Variants in SCN8A observed in about 807,000 individuals in gnomAD.
The protein encoded by SCN8A is sodium voltage-gated channel alpha subunit 8.
Under a neutral mutation model 184.1 loss-of-function variants are expected in SCN8A, and 30 were observed. The observed-to-expected ratio is 0.16, with a 90% CI of 0.12 to 0.22. The LOEUF is 0.22. Ranked by LOEUF, SCN8A falls within the 10% of genes least tolerant of loss-of-function variation. The pLI is 1.00. For missense variants in SCN8A, 1,057 were observed against 2,498.9 expected, an observed-to-expected ratio of 0.42 and a Z score of 12.30; for synonymous variants, 852 against 907.0, an observed-to-expected ratio of 0.94 and a Z score of 1.09.
At chr12:51,639,294 C>A (rs10747616) in intron 1 of SCN8A, among the ~76,000 whole-genome samples, 131,389 of 152,274 alleles carry the variant, frequency 0.86, 56,912 homozygotes, top group East Asian at 0.99. Flanking sequence ...GATGGAATCT[C>A]CTCCTGGTGA....
chr12:51,625,983 T>C (rs1423649435), intron 1 of SCN8A, among the ~76,000 whole-genome samples: 1 of 151,998 alleles, frequency 6.6e-6, no homozygotes, highest in African/African-American at 2.4e-5. Context: ...GAAAGGAAAG[T>C]TTATTACTTA....
intron 26 of SCN8A, among the ~76,000 whole-genome samples, chr12:51,795,052 T>C (rs552747435): frequency 1.6e-4 from 25 of 152,314 alleles, no homozygotes; most frequent in African/African-American, 5.8e-4. Flanking sequence ...CTGGTGGTGA[T>C]GGCCATGGTA....
chr12:51,739,296 T>C (rs1479906564), intron 12 of SCN8A, among the ~76,000 whole-genome samples: 1 of 152,154 alleles, frequency 6.6e-6, no homozygotes, highest in East Asian at 1.9e-4. Flanking sequence ...CTCGTATAGC[T>C]TGCTGAATTC....
At chr12:51,779,506 A>C (rs1937828558) in intron 20 of SCN8A, among the ~76,000 whole-genome samples, 1 of 152,208 alleles carries the variant, frequency 6.6e-6, no homozygotes, top group African/African-American at 2.4e-5. Flanking sequence ...CAACATATTC[A>C]ACTCTGGATT....
At chr12:51,689,408 C>T (rs1237305879) in intron 6 of SCN8A, 2 of 268,670 alleles carry the variant, frequency 7.4e-6, no homozygotes, top group Non-Finnish European at 1.4e-5. Context: ...TCATTTGCTT[C>T]CTGGCTCCAT....
chr12:51,665,483 A>C (rs997703073), intron 2 of SCN8A, among the ~76,000 whole-genome samples: 2 of 152,266 alleles, frequency 1.3e-5, no homozygotes, highest in African/African-American at 4.8e-5. Flanking sequence ...TACATAGCAT[A>C]ATGATTACAA....
chr12:51,806,205 C>CA lies in SCN8A; in HGVS notation c.4796-75dup. 7.4e-7 allele frequency: 1 copy of CA among 1,355,520 alleles called. No homozygotes were observed. Among genetic ancestry groups the CA allele is most frequent in the East Asian group, 2.3e-5 (1 of 42,632 alleles). 84.0% of individuals were successfully genotyped at this position (1,355,520 alleles called of 1,614,324 possible). A position where few individuals can be genotyped will look rare whatever the true frequency, so the allele number is the denominator to read the frequency against. ...AAGCCCTTTGAACCTAAGGGTTCCACAATGCCAGGTAAAAAAAATAAAGAG... is the reference window on the plus strand; with the variant it reads ...AAGCCCTTTGAACCTAAGGGTTCCACAAATGCCAGGTAAAAAAAATAAAGAG... On this transcript the variant is annotated intron_variant, in intron 26 of 26. Transcript: ENST00000627620. The surrounding 1 kb of genome is among the most constrained non-coding windows in gnomAD (Gnocchi z 8.7).
intron 4 of SCN8A, 51 bp downstream of exon 4, chr12:51,686,508 A>G: frequency 5.4e-6 from 7 of 1,301,362 alleles, no homozygotes; most frequent in Non-Finnish European, 7.7e-6. Flanking sequence ...ATTTTTAGTC[A>G]CTAAATCTTG....
At position 51,669,468 on chromosome 12, in the gene SCN8A, T is replaced by C. The variant is rs377504276; in HGVS notation, c.276+6375T>C. 9.2e-5 allele frequency among the ~76,000 whole-genome samples: 14 copies of C among 152,312 alleles called. No homozygotes were observed. In the South Asian group the frequency reaches 1.7e-3, roughly 18 times the overall value. Reference sequence around the variant, plus strand: ...CTTCCTGTTTCCTTAGTGTGGAAGATCCCTCCACCCACCCACCTTCTTCTG... The same window carrying C: ...CTTCCTGTTTCCTTAGTGTGGAAGACCCCTCCACCCACCCACCTTCTTCTG... On this transcript the variant is annotated intron_variant, in intron 2 of 26. Transcript: ENST00000627620.
chr12:51,598,809 A>G (rs1286581816), intron 1 of SCN8A, among the ~76,000 whole-genome samples: 1 of 151,908 alleles, frequency 6.6e-6, no homozygotes, highest in Non-Finnish European at 1.5e-5. Context: ...TGCTCCTCAC[A>G]GTTAGTTCCA....
At chr12:51,660,456 G>C (rs1386520531) in intron 1 of SCN8A, among the ~76,000 whole-genome samples, 1 of 152,178 alleles carries the variant, frequency 6.6e-6, no homozygotes, top group Non-Finnish European at 1.5e-5. Context: ...TGTGAATGTA[G>C]GAGCCAAGGA....
At chr12:51,800,451 C>T (rs1357559203) in intron 26 of SCN8A, among the ~76,000 whole-genome samples, 1 of 152,234 alleles carries the variant, frequency 6.6e-6, no homozygotes, top group African/African-American at 2.4e-5. Context: ...GCACTAATCT[C>T]CACAGTCCCT....
chr12:51,694,610 G>T (rs1941563674), intron 6 of SCN8A, among the ~76,000 whole-genome samples: 1 of 152,184 alleles, frequency 6.6e-6, no homozygotes. Flanking sequence ...GGCTTCTGTT[G>T]CACACTCTGT....
intron 2 of SCN8A, among the ~76,000 whole-genome samples, chr12:51,680,930 G>A (rs556281173): frequency 6.6e-6 from 1 of 152,170 alleles, no homozygotes; most frequent in East Asian, 1.9e-4. Context: ...CTTGAACCCG[G>A]GAGGCGGAGG....
At chr12:51,707,520 T>C (rs1941804629) in intron 11 of SCN8A, among the ~76,000 whole-genome samples, 3 of 152,058 alleles carry the variant, frequency 2.0e-5, no homozygotes, top group Admixed American at 2.0e-4. Context: ...TTTTACGTTT[T>C]TCTGCCCGCT....
chr12:51,775,235 C>T (rs551381145), intron 20 of SCN8A, among the ~76,000 whole-genome samples: 34 of 152,244 alleles, frequency 2.2e-4, no homozygotes, highest in Admixed American at 8.5e-4. Flanking sequence ...GAAAGTAGAA[C>T]GGTGGAGACT....
At chr12:51,717,023 C>A (rs1017964204) in intron 11 of SCN8A, among the ~76,000 whole-genome samples, 2 of 152,212 alleles carry the variant, frequency 1.3e-5, no homozygotes, top group African/African-American at 4.8e-5. Flanking sequence ...CTCAGACTTA[C>A]CTATCCTGCC....
chr12:51,646,121 A>G (rs1281006838), intron 1 of SCN8A, among the ~76,000 whole-genome samples: 1 of 152,028 alleles, frequency 6.6e-6, no homozygotes, highest in South Asian at 2.1e-4. Flanking sequence ...ACAGGATGCC[A>G]CTAATGGATT....
chr12:51,634,924 A>G (rs1565867460), intron 1 of SCN8A, among the ~76,000 whole-genome samples: 1 of 152,184 alleles, frequency 6.6e-6, no homozygotes, highest in Non-Finnish European at 1.5e-5. Context: ...TTCTGGGATT[A>G]CAGGCGTGAG....
Sources: allele counts gnomAD v4.1 joint callset (sites outside exome capture counted in the v4.1 genomes callset), GRCh38; gene constraint gnomAD v4.1.1; non-coding constraint Gnocchi (gnomAD v3.1); transcripts MANE v1.5; gene names NCBI Gene and HGNC (gene_info 2026-07-23, HGNC 2026-07-21).